Variants in DNAJA3 observed in about 807,000 individuals in gnomAD.
DNAJA3 encodes dnaJ homolog subfamily A member 3, mitochondrial.
DNAJA3 carries 29 observed loss-of-function variants against 54.9 expected under a neutral mutation model. That is an observed-to-expected ratio of 0.53 (90% CI 0.39 to 0.72). DNAJA3 has a LOEUF of 0.72. DNAJA3 is among the 30% of genes least tolerant of loss of function. The pLI, the probability that DNAJA3 is intolerant of heterozygous loss-of-function variation, is 0.00. For synonymous variants in DNAJA3, 302 were observed against 251.4 expected (o/e 1.20, Z -1.90); for missense variants, 708 against 639.4 (o/e 1.11, Z -1.16).
chr16:4,439,630 A>G (rs917409342), intron 3 of DNAJA3, among the ~76,000 whole-genome samples: 3 of 152,186 alleles, frequency 2.0e-5, no homozygotes, highest in Non-Finnish European at 4.4e-5. Context: ...GGAGAGTCCT[A>G]ATCCACCGTG....
Position 4,446,960 on chromosome 16 carries a change from T to G in DNAJA3, c.1071T>G (p.Ala357=). The G allele has an allele frequency of 6.2e-7, 1 of 1,614,140 alleles. No individual in the cohort carries two copies. The highest frequency in any genetic ancestry group is 8.5e-7 in the Non-Finnish European group (1 of 1,180,040). Residue 357 remains alanine, a synonymous_variant, in exon 8 of 12, where the codon GCT becomes GCG. Transcript: ENST00000262375. ...ACCTCTTTATTTCTATAGCTCAGGCTCTTCTTGGGGGTACAGCCAGAGCCC... is the reference window on the plus strand; with the variant it reads ...ACCTCTTTATTTCTATAGCTCAGGCGCTTCTTGGGGGTACAGCCAGAGCCC... ...HSDLFISIAQ[A]LLGGTARAQG...
chr16:4,452,945 G>A (rs751967074), intron 10 of DNAJA3, among the ~76,000 whole-genome samples: 2 of 152,216 alleles, frequency 1.3e-5, no homozygotes, highest in Admixed American at 6.5e-5. Context: ...TCTGCTGCCT[G>A]TGGGTGGTTA....
rs1368237713 is a variant in DNAJA3 at position 4,432,254 on chromosome 16, C to A, written c.212-2130C>A. Among the ~76,000 whole-genome samples, 3 of 150,738 alleles carry A rather than the reference C, an allele frequency of 2.0e-5. No individual in the cohort carries two copies. The East Asian group carries it at 5.9e-4, about 29-fold the overall frequency. On this transcript the variant is annotated intron_variant, in intron 1 of 11. Coordinates refer to ENST00000262375, the MANE Select transcript of DNAJA3 (RefSeq NM_005147.6). ...CCCAGGCTGGTTTCGAACTCCTGGGCTCAAGCGATCCTCACGCCTCAGGTT... is the reference window on the plus strand; with the variant it reads ...CCCAGGCTGGTTTCGAACTCCTGGGATCAAGCGATCCTCACGCCTCAGGTT...
intron 1 of DNAJA3, chr16:4,431,652 A>C (rs1307723119): frequency 6.6e-6 from 1 of 150,710 alleles, no homozygotes; most frequent in African/African-American, 2.5e-5. Flanking sequence ...ATCTTGGCTC[A>C]CTGCAACCTC....
chr16:4,455,811 G>C lies in DNAJA3; in HGVS notation c.*279G>C, dbSNP rs1473535013. On this transcript the variant is annotated 3_prime_UTR_variant, in exon 12 of 12. Coordinates refer to ENST00000262375, the MANE Select transcript of DNAJA3 (RefSeq NM_005147.6). Reference sequence around the variant, plus strand: ...TGACGGCCCCTGGCTCAGGCAGAGGGAGATGGTTAGACTCTTGCAGGGCTA... The same window carrying C: ...TGACGGCCCCTGGCTCAGGCAGAGGCAGATGGTTAGACTCTTGCAGGGCTA... 2.9e-5 allele frequency: 17 copies of C among 587,220 alleles called. 1 individual carries two copies. Among genetic ancestry groups the C allele is most frequent in the Non-Finnish European group, 3.0e-6 (1 of 328,748 alleles). The allele number at this position is 587,220 out of a possible 1,614,324, so 36.4% of individuals were successfully genotyped here. A position where few individuals can be genotyped will look rare whatever the true frequency, so the allele number is the denominator to read the frequency against.
At chr16:4,448,302 G>C (rs2056929931) in intron 8 of DNAJA3, among the ~76,000 whole-genome samples, 1 of 149,010 alleles carries the variant, frequency 6.7e-6, no homozygotes, top group Non-Finnish European at 1.5e-5. Flanking sequence ...TGGGATTACA[G>C]GCATGAGCCA....
At chr16:4,435,868 C>A (rs528497373) in intron 2 of DNAJA3, among the ~76,000 whole-genome samples, 3 of 152,318 alleles carry the variant, frequency 2.0e-5, no homozygotes, top group Admixed American at 1.3e-4. Flanking sequence ...CATATGGTAA[C>A]TGGATGTTTA....
chr16:4,446,889 C>G lies in DNAJA3; in HGVS notation c.1000C>G (p.Gln334Glu). 4 of 1,613,908 alleles carry G rather than the reference C, an allele frequency of 2.5e-6. No homozygotes were observed. Among genetic ancestry groups the G allele is most frequent in the Non-Finnish European group, 3.4e-6 (4 of 1,179,958 alleles). The change falls in exon 8 of 12, where the codon CAG becomes GAG. Residue 334 changes from glutamine (Q) to glutamate (E), a missense_variant. By Grantham distance (29) the Gln-to-Glu change is conservative. Coordinates refer to ENST00000262375, the MANE Select transcript of DNAJA3 (RefSeq NM_005147.6). ...CATCTGTCATGTTTGGCCTTAGGTG[C>G]AGAAAAGCCCTGTGTTCCGGAGGGA... ...KREIFITFRVQKSPVFRRDGA... is the reference protein window; with the variant it reads ...KREIFITFRVEKSPVFRRDGA...
intron 9 of DNAJA3, 77 bp downstream of exon 9, chr16:4,448,925 A>G: frequency 2.8e-6 from 3 of 1,076,848 alleles, no homozygotes; most frequent in South Asian, 2.6e-5. Context: ...TGGCTTGGGC[A>G]GGTTACTGCT....
chr16:4,445,860 T>A (rs1301149630), intron 7 of DNAJA3, among the ~76,000 whole-genome samples: 3 of 150,808 alleles, frequency 2.0e-5, no homozygotes, highest in Non-Finnish European at 4.4e-5. Context: ...CCTGTGATAT[T>A]TTGTTACCTC....
At chr16:4,450,105 A>T (rs1451022562) in intron 9 of DNAJA3, 2 of 318,070 alleles carry the variant, frequency 6.3e-6, no homozygotes, top group East Asian at 1.1e-4. Flanking sequence ...ATAATTTCTT[A>T]CTTGCTTCAC....
At chr16:4,436,762 C>G (rs540145446) in intron 2 of DNAJA3, among the ~76,000 whole-genome samples, 1 of 152,312 alleles carries the variant, frequency 6.6e-6, no homozygotes, top group East Asian at 1.9e-4. Context: ...TCTCAAACTC[C>G]TGACCTCTGG....
intron 10 of DNAJA3, among the ~76,000 whole-genome samples, chr16:4,451,510 A>G (rs1233818954): frequency 1.3e-5 from 2 of 152,028 alleles, no homozygotes; most frequent in African/African-American, 4.8e-5. Flanking sequence ...TAATCCCAGC[A>G]CTTTGGGAGG....
chr16:4,438,635 CT>C (rs56211652), intron 3 of DNAJA3, among the ~76,000 whole-genome samples: 41 of 110,652 alleles, frequency 3.7e-4, no homozygotes, highest in Admixed American at 7.8e-4. Flanking sequence ...ACAATCTTTT[CT>C]TTTTTTTTTT....
intron 1 of DNAJA3, among the ~76,000 whole-genome samples, chr16:4,430,275 C>G (rs2056680477): frequency 6.6e-6 from 1 of 151,704 alleles, no homozygotes; most frequent in African/African-American, 2.4e-5. Flanking sequence ...AGAAAGAAAG[C>G]AGTTGTTGGT....
At chr16:4,447,297 C>T (rs1240727066) in intron 8 of DNAJA3, 5 of 389,898 alleles carry the variant, frequency 1.3e-5, no homozygotes, top group African/African-American at 8.3e-5. Flanking sequence ...AAGGGTTCAC[C>T]CTGGGTTGTG....
At chr16:4,447,958 G>T (rs376160325) in intron 8 of DNAJA3, 1 of 149,668 alleles carries the variant, frequency 6.7e-6, no homozygotes, top group African/African-American at 2.5e-5. Context: ...CAGTTCACCC[G>T]CCTCGGCCTC....
intron 9 of DNAJA3, 55 bp downstream of exon 9, chr16:4,448,903 C>T (rs527619475): frequency 2.2e-6 from 3 of 1,362,462 alleles, no homozygotes; most frequent in Admixed American, 1.8e-5. Flanking sequence ...TGGCACTGCC[C>T]TTGGAGCTCT....
In DNAJA3 at chr16:4,450,481, C is replaced by T. The variant is rs2056964941; in HGVS notation, c.1323C>T (p.Val441=). 6.2e-7 allele frequency: 1 copy of T among 1,609,304 alleles called. No homozygotes were observed. Among genetic ancestry groups the T allele is most frequent in the South Asian group, 1.1e-5 (1 of 89,888 alleles). The change falls in exon 10 of 12, where the codon GTC becomes GTT. Residue 441 remains valine (V), a synonymous_variant. Coordinates refer to ENST00000262375, the MANE Select transcript of DNAJA3 (RefSeq NM_005147.6). ...ETDVEGTVNG[V]TLTSSGGSTM... ...ATGTGGAGGGGACGGTGAACGGCGT[C>T]ACCCTCACCAGCTCTGGTAAGGAGT...
Sources: allele counts gnomAD v4.1 joint callset (sites outside exome capture counted in the v4.1 genomes callset), GRCh38; gene constraint gnomAD v4.1.1; transcripts MANE v1.5; gene names NCBI Gene and HGNC (gene_info 2026-07-23, HGNC 2026-07-21).